The following KCNC2 variants were observed in gnomAD, a reference collection of about 807,000 sequenced individuals.
KCNC2 encodes potassium voltage-gated channel subfamily C member 2.
Under a neutral mutation model 44.5 loss-of-function variants are expected in KCNC2, and 21 were observed. The observed-to-expected ratio is 0.47, with a 90% CI of 0.33 to 0.68. The LOEUF (loss-of-function observed/expected upper bound fraction) is 0.68. Ranked by LOEUF, KCNC2 falls within the 30% of genes least tolerant of loss-of-function variation. KCNC2 has a pLI of 0.01. For synonymous variants in KCNC2, 391 were observed against 339.1 expected, an observed-to-expected ratio of 1.15 and a Z score of -1.68; for missense variants, 589 against 826.2, an observed-to-expected ratio of 0.71 and a Z score of 3.52.
intron 2 of KCNC2, among the ~76,000 whole-genome samples, chr12:75,088,467 C>T (rs1885205920): frequency 6.6e-6 from 1 of 152,038 alleles, no homozygotes; most frequent in Non-Finnish European, 1.5e-5. Flanking sequence ...ATCAAAACCT[C>T]TATTCTTTGT....
chr12:75,107,201 G>T (rs1459550049), intron 2 of KCNC2, among the ~76,000 whole-genome samples: 1 of 152,126 alleles, frequency 6.6e-6, no homozygotes, highest in Non-Finnish European at 1.5e-5. Flanking sequence ...CTACTCTGGA[G>T]GCTGAGGCAG....
chr12:75,061,037 T>C (rs945834061), intron 2 of KCNC2, among the ~76,000 whole-genome samples: 4 of 152,150 alleles, frequency 2.6e-5, no homozygotes, highest in African/African-American at 9.7e-5. Flanking sequence ...AGTTTTCTAA[T>C]ATAGCACTTA....
chr12:75,188,859 CTCAA>C (rs1273815853), intron 2 of KCNC2, among the ~76,000 whole-genome samples: 1 of 134,324 alleles, frequency 7.4e-6, no homozygotes, highest in Non-Finnish European at 1.6e-5. Flanking sequence ...GAGACTCCAT[CTCAA>C]TAAATAAATA....
intron 2 of KCNC2, among the ~76,000 whole-genome samples, chr12:75,193,036 T>A (rs1483186886): frequency 2.0e-5 from 3 of 152,144 alleles, no homozygotes; most frequent in African/African-American, 7.2e-5. Flanking sequence ...ACAATTTTTT[T>A]AAAACCTAGT....
At chr12:75,111,968 ACT>A (rs1441133145) in intron 2 of KCNC2, among the ~76,000 whole-genome samples, 4 of 151,098 alleles carry the variant, frequency 2.6e-5, no homozygotes, top group Non-Finnish European at 5.9e-5. Flanking sequence ...AATGAAGAAA[ACT>A]CAATAAAATT....
chr12:75,171,586 T>C (rs975384667), intron 2 of KCNC2, among the ~76,000 whole-genome samples: 8 of 151,956 alleles, frequency 5.3e-5, no homozygotes, highest in Non-Finnish European at 1.0e-4. Flanking sequence ...GAAATTAATA[T>C]CTTGAAGGTA....
In KCNC2 at chr12:75,041,354, G is replaced by C. The variant is rs979368573; in HGVS notation, c.*1751C>G. Reference sequence around the variant, plus strand: ...TGTATGTCTGGATAAATACATTGCTGTACAACATCTCCAACATGCAGGTCA... The same window carrying C: ...TGTATGTCTGGATAAATACATTGCTCTACAACATCTCCAACATGCAGGTCA... On this transcript the variant is annotated 3_prime_UTR_variant, in exon 5 of 5. Transcript: ENST00000549446. 3.4e-6 allele frequency: 5 copies of C among 1,452,080 alleles called. No individual in the cohort carries two copies. In the East Asian group the frequency reaches 1.0e-4, roughly 30 times the overall value. The allele number at this position is 1,452,080 out of a possible 1,614,324, so 89.9% of individuals were successfully genotyped here. A position where few individuals can be genotyped will look rare whatever the true frequency, so the allele number is the denominator to read the frequency against.
intron 2 of KCNC2, among the ~76,000 whole-genome samples, chr12:75,109,039 G>A (rs573928162): frequency 6.6e-6 from 1 of 152,072 alleles, no homozygotes; most frequent in African/African-American, 2.4e-5. Flanking sequence ...CAAAATCTTA[G>A]ACATTTCCTA....
At chr12:75,161,008 A>C (rs528215828) in intron 2 of KCNC2, among the ~76,000 whole-genome samples, 25 of 151,824 alleles carry the variant, frequency 1.6e-4, no homozygotes, top group African/African-American at 5.8e-4. Flanking sequence ...ACCAGAACAG[A>C]ATGTTGTATT....
At position 75,053,271 on chromosome 12, in the gene KCNC2, C is replaced by CT. The variant is rs1555203066; in HGVS notation, c.688-1955_688-1954insA. On this transcript the variant is annotated intron_variant, in intron 2 of 4. Coordinates refer to ENST00000549446, the MANE Select transcript of KCNC2 (RefSeq NM_139137.4). ...CAATATGTACCTACTAACTCCCACC[C>CT]CAACTACACTCTTCACCATCCCTAC... Among the ~76,000 whole-genome samples the CT allele has an allele frequency of 1.5e-3, 234 of 151,906 alleles. 1 individual carries two copies. The highest frequency in any genetic ancestry group is 5.3e-3 in the African/African-American group (219 of 41,398).
intron 2 of KCNC2, among the ~76,000 whole-genome samples, chr12:75,079,565 C>T (rs1264024196): frequency 6.6e-6 from 1 of 152,022 alleles, no homozygotes; most frequent in Non-Finnish European, 1.5e-5. Context: ...TGCATATATG[C>T]TTATGTACTG....
At chr12:75,151,832 T>C (rs1365934627) in intron 2 of KCNC2, among the ~76,000 whole-genome samples, 3 of 149,438 alleles carry the variant, frequency 2.0e-5, no homozygotes, top group Non-Finnish European at 4.5e-5. Flanking sequence ...AACATCAGTT[T>C]AAGAGAAAAT....
chr12:75,203,507 A>G lies in KCNC2; in HGVS notation c.687+3790T>C, dbSNP rs557759723. 5.9e-5 allele frequency among the ~76,000 whole-genome samples: 9 copies of G among 152,074 alleles called. No homozygotes were observed. The East Asian group carries it at 1.5e-3, about 26-fold the overall frequency. ...ATACAACCCATATTGTATTTCAACA[A>G]CAGTAAATGAGATAAAGGTCAGGGG... On this transcript the variant is annotated intron_variant, in intron 2 of 4. Coordinates refer to ENST00000549446, the MANE Select transcript of KCNC2 (RefSeq NM_139137.4).
In KCNC2 at chr12:75,209,405, G is replaced by A. The variant is rs1172679067; in HGVS notation, c.-218C>T. 6.6e-6 allele frequency: 1 copy of A among 152,416 alleles called. No individual in the cohort carries two copies. The highest frequency in any genetic ancestry group is 2.4e-5 in the African/African-American group (1 of 41,474). 9.4% of individuals were successfully genotyped at this position (152,416 alleles called of 1,614,324 possible). A position where few individuals can be genotyped will look rare whatever the true frequency, so the allele number is the denominator to read the frequency against. ...GGGGAGAAAGCCCCCGCCGGCCGCC[G>A]GCCGCGCTCCCCGCCTTCATTCTGT... is the stretch of plus-strand genomic sequence containing the variant. On this transcript the variant is annotated 5_prime_UTR_variant, in exon 1 of 5. Transcript: ENST00000549446.
In KCNC2 at chr12:75,208,156, G is replaced by T. The variant is rs1032173819; in HGVS notation, c.-19-154C>A. Among the ~76,000 whole-genome samples, 5 of 152,194 alleles carry T rather than the reference G, an allele frequency of 3.3e-5. No individual in the cohort carries two copies. In the South Asian group the frequency reaches 6.2e-4, roughly 19 times the overall value. ...CCCCGGGAGGGGATCAGCGTCCAGC[G>T]CTGTCCCCGCCTCTTGCATCAAACC... is the stretch of plus-strand genomic sequence containing the variant. On this transcript the variant is annotated intron_variant, in intron 1 of 4. Transcript: ENST00000549446.
At chr12:75,113,737 CAG>C (rs967171781) in intron 2 of KCNC2, among the ~76,000 whole-genome samples, 24 of 152,124 alleles carry the variant, frequency 1.6e-4, no homozygotes, top group African/African-American at 5.1e-4. Context: ...GGTAGAGAAA[CAG>C]GGGAGTAGAA....
rs564982552 is a variant in KCNC2 at position 75,092,702 on chromosome 12, A to G, written c.688-41385T>C. 4.0e-5 allele frequency among the ~76,000 whole-genome samples: 6 copies of G among 151,814 alleles called. No homozygotes were observed. The South Asian group carries it at 8.3e-4, about 21-fold the overall frequency. On this transcript the variant is annotated intron_variant, in intron 2 of 4. Transcript: ENST00000549446. ...CAAAAACATTAAAATTTTATAGTTA[A>G]AAAATAAATGAATAATTGTCAATCT...
Sources: gnomAD v4.1 joint callset for allele counts (sites outside exome capture counted in the v4.1 genomes callset) on GRCh38, gnomAD v4.1.1 for gene constraint, MANE v1.5 for transcripts, NCBI Gene and HGNC (gene_info 2026-07-23, HGNC 2026-07-21) for gene names.